The following GRIK1 variants were observed in gnomAD, a reference collection of about 807,000 sequenced individuals.
The protein encoded by GRIK1 is glutamate ionotropic receptor kainate type subunit 1, also known as glutamate receptor ionotropic, kainate 1.
Under a neutral mutation model 105.7 loss-of-function variants are expected in GRIK1, and 69 were observed. The ratio of observed to expected loss-of-function variants is 0.65; its 90% confidence interval spans 0.54 to 0.80. The LOEUF (loss-of-function observed/expected upper bound fraction) is 0.80, where lower values mean the gene tolerates loss of function less well. Ranked by LOEUF, GRIK1 falls within the 30% of genes least tolerant of loss-of-function variation. The pLI is 0.00. For missense variants in GRIK1, 1,109 were observed against 1,167.3 expected, an observed-to-expected ratio of 0.95 and a Z score of 0.73; for synonymous variants, 438 against 431.3, an observed-to-expected ratio of 1.02 and a Z score of -0.19.
intron 1 of GRIK1, among the ~76,000 whole-genome samples, chr21:29,810,117 G>A (rs1478373316): frequency 6.6e-6 from 1 of 151,986 alleles, no homozygotes; most frequent in African/African-American, 2.4e-5. Flanking sequence ...TGCCAACATG[G>A]TGAAACCCCA....
At chr21:29,768,848 A>C (rs1406655183) in intron 1 of GRIK1, among the ~76,000 whole-genome samples, 2 of 152,192 alleles carry the variant, frequency 1.3e-5, no homozygotes, top group African/African-American at 4.8e-5. Context: ...GAAGAATTGC[A>C]AGTCTATTCT....
At chr21:29,560,506 TCC>T (rs879673986) in intron 15 of GRIK1, among the ~76,000 whole-genome samples, 12,741 of 39,194 alleles carry the variant, frequency 0.33, 3,411 homozygotes, top group South Asian at 0.39. Flanking sequence ...TTTCCTTCCT[TCC>T]TTCCTTCCTT....
chr21:29,939,511 T>A lies in GRIK1; in HGVS notation c.-11A>T. 6.6e-7 allele frequency: 1 copy of A among 1,524,668 alleles called. No homozygotes were observed. Among genetic ancestry groups the A allele is most frequent in the African/African-American group, 1.4e-5 (1 of 70,620 alleles). The allele number at this position is 1,524,668 out of a possible 1,614,324, so 94.4% of individuals were successfully genotyped here. A position where few individuals can be genotyped will look rare whatever the true frequency, so the allele number is the denominator to read the frequency against. On this transcript the variant is annotated 5_prime_UTR_variant, in exon 1 of 18. Coordinates refer to ENST00000327783, the MANE Select transcript of GRIK1 (RefSeq NM_001330994.2). ...TGTGCCGTGCTCCATCTTCCTAGCT[T>A]CTTAATTCATGCCGAGATACAGCCG...
rs363494 is a variant in GRIK1 at position 29,561,711 on chromosome 21, T to C, written c.2269A>G (p.Ile757Val). The change falls in exon 15 of 18, where the codon ATT becomes GTT. Residue 757 changes from isoleucine to valine, a missense_variant. Transcript: ENST00000327783. ...CAGTTTCTCTGCGTCACATACTCAA[T>C]GCTGGTGGACTCCATCAGCAGCGCG... ...DYALLMESTS[I>V]EYVTQRNCNL... is the part of the protein sequence containing the mutation. 1 of 1,614,072 alleles carries C rather than the reference T, an allele frequency of 6.2e-7. No individual in the cohort carries two copies. The highest frequency in any genetic ancestry group is 1.7e-5 in the Admixed American group (1 of 60,022).
intron 1 of GRIK1, among the ~76,000 whole-genome samples, chr21:29,863,840 C>T (rs1569170242): frequency 6.6e-6 from 1 of 152,140 alleles, no homozygotes; most frequent in Non-Finnish European, 1.5e-5. Context: ...ATAGCTATCA[C>T]ACATTCTTCC....
intron 1 of GRIK1, among the ~76,000 whole-genome samples, chr21:29,908,932 C>T (rs2070728633): frequency 6.6e-6 from 1 of 152,122 alleles, no homozygotes; most frequent in South Asian, 2.1e-4. Context: ...TGCAAAATGG[C>T]TTTGGTAGAT....
At chr21:29,560,519 C>CCTTCCTTCCTTCCTTT (rs2090436242) in intron 15 of GRIK1, among the ~76,000 whole-genome samples, 1 of 57,812 alleles carries the variant, frequency 1.7e-5, no homozygotes, top group Non-Finnish European at 3.0e-5. Flanking sequence ...TTCCTTCCTT[C>CCTTCCTTCCTTCCTTT]CTTTCTTTCT....
intron 1 of GRIK1, among the ~76,000 whole-genome samples, chr21:29,866,144 A>C (rs1382883338): frequency 6.6e-6 from 1 of 152,020 alleles, no homozygotes; most frequent in Non-Finnish European, 1.5e-5. Context: ...ACTTTTCACT[A>C]TAACCTCAAC....
intron 1 of GRIK1, among the ~76,000 whole-genome samples, chr21:29,858,870 C>A (rs1446107612): frequency 1.3e-5 from 2 of 151,614 alleles, no homozygotes; most frequent in African/African-American, 4.8e-5. Context: ...TTGCACACCT[C>A]CCCACAGGAT....
intron 3 of GRIK1, among the ~76,000 whole-genome samples, chr21:29,682,741 G>A (rs1411797598): frequency 6.6e-6 from 1 of 152,134 alleles, no homozygotes; most frequent in East Asian, 1.9e-4. Context: ...TCATGACTAA[G>A]TTCTCAAGAG....
At chr21:29,761,997 C>T (rs1307099255) in intron 1 of GRIK1, among the ~76,000 whole-genome samples, 1 of 152,256 alleles carries the variant, frequency 6.6e-6, no homozygotes, top group Non-Finnish European at 1.5e-5. Flanking sequence ...ATCCACCTGC[C>T]TTGGCCTCCC....
intron 1 of GRIK1, among the ~76,000 whole-genome samples, chr21:29,842,534 A>T (rs2068010473): frequency 6.6e-6 from 1 of 152,186 alleles, no homozygotes; most frequent in African/African-American, 2.4e-5. Flanking sequence ...AGACGAAAGA[A>T]CATGCATTCA....
chr21:29,860,724 T>A (rs2068609436), intron 1 of GRIK1, among the ~76,000 whole-genome samples: 2 of 152,240 alleles, frequency 1.3e-5, no homozygotes, highest in South Asian at 4.2e-4. Context: ...TATTTATATA[T>A]TTAAAAAAAT....
chr21:29,857,710 A>G (rs2068506112), intron 1 of GRIK1, among the ~76,000 whole-genome samples: 1 of 152,158 alleles, frequency 6.6e-6, no homozygotes, highest in East Asian at 1.9e-4. Flanking sequence ...AAGCTGCTTC[A>G]TTTCTAAATT....
intron 1 of GRIK1, among the ~76,000 whole-genome samples, chr21:29,891,195 T>C (rs1189212276): frequency 6.6e-6 from 1 of 152,188 alleles, no homozygotes; most frequent in Non-Finnish European, 1.5e-5. Context: ...TGTTTGATCA[T>C]CCCTTGTGTG....
chr21:29,858,749 T>A (rs1481543783), intron 1 of GRIK1, among the ~76,000 whole-genome samples: 2 of 151,918 alleles, frequency 1.3e-5, no homozygotes, highest in East Asian at 1.9e-4. Flanking sequence ...GGCTTTTCAT[T>A]GGTGCAAAAT....
chr21:29,811,524 C>T (rs929366201), intron 1 of GRIK1, among the ~76,000 whole-genome samples: 8 of 152,166 alleles, frequency 5.3e-5, no homozygotes, highest in Non-Finnish European at 8.8e-5. Flanking sequence ...TTTGTCTACT[C>T]TGTCCTCCCT....
In GRIK1 at chr21:29,934,944, C is replaced by T. The variant is rs139401368; in HGVS notation, c.118+4439G>A. Among the ~76,000 whole-genome samples the T allele has an allele frequency of 2.1e-3, 319 of 152,282 alleles. 2 individuals are homozygous for T. The highest frequency in any genetic ancestry group is 7.2e-3 in the African/African-American group (301 of 41,560). ...ATTAGTCAGGCACTCCCTTTTATAT[C>T]ACACTATCAGATACCTTCTCTTTAG... On this transcript the variant is annotated intron_variant, in intron 1 of 17. Transcript: ENST00000327783.
At chr21:29,791,911 A>C (rs1288475389) in intron 1 of GRIK1, among the ~76,000 whole-genome samples, 1 of 152,226 alleles carries the variant, frequency 6.6e-6, no homozygotes, top group Non-Finnish European at 1.5e-5. Flanking sequence ...TATAACAAAT[A>C]TTTACACATG....
Sources: allele counts gnomAD v4.1 joint callset (sites outside exome capture counted in the v4.1 genomes callset), GRCh38; gene constraint gnomAD v4.1.1; transcripts MANE v1.5; gene names NCBI Gene and HGNC (gene_info 2026-07-23, HGNC 2026-07-21).